PRIM2: variants seen among roughly 807,000 people sequenced by gnomAD.
PRIM2 encodes the protein DNA primase large subunit.
In PRIM2, 39 loss-of-function variants were observed where a neutral mutation model predicts 67.3. The observed-to-expected ratio is 0.58, with a 90% CI of 0.45 to 0.76. The LOEUF is 0.76. Ranked by LOEUF, PRIM2 falls within the 30% of genes least tolerant of loss-of-function variation. PRIM2 has a pLI of 0.00. For missense variants in PRIM2, 398 were observed against 598.7 expected, an observed-to-expected ratio of 0.66 and a Z score of 3.50; for synonymous variants, 143 against 198.7, an observed-to-expected ratio of 0.72 and a Z score of 2.36.
intron 10 of PRIM2, among the ~76,000 whole-genome samples, chr6:57,587,350 T>A (rs1463579957): frequency 2.6e-5 from 4 of 152,176 alleles, no homozygotes; most frequent in Non-Finnish European, 4.4e-5. Context: ...GTGAGATTCT[T>A]TATGAAGGGG....
At chr6:57,225,778 A>G in the PRIM2 span, among the ~76,000 whole-genome samples, 1 of 152,220 alleles carries the variant, frequency 6.6e-6, no homozygotes, top group South Asian at 2.1e-4. Context: ...GAAAGCTTTG[A>G]AAATTTTACC....
intron 10 of PRIM2, among the ~76,000 whole-genome samples, chr6:57,558,391 G>T (rs1581989415): frequency 2.0e-5 from 3 of 152,260 alleles, no homozygotes; most frequent in Admixed American, 1.3e-4. Context: ...AACCCTGAAG[G>T]ATGGTAAGAT....
intron 13 of PRIM2, among the ~76,000 whole-genome samples, chr6:57,635,708 T>G (rs1389711167): frequency 6.6e-6 from 1 of 152,194 alleles, no homozygotes; most frequent in Non-Finnish European, 1.5e-5. Context: ...AATTAAGCCC[T>G]TTTATAATAA....
intron 5 of PRIM2, among the ~76,000 whole-genome samples, chr6:57,358,934 A>C (rs1247824651): frequency 3.9e-5 from 6 of 152,230 alleles, no homozygotes; most frequent in Non-Finnish European, 8.8e-5. Flanking sequence ...AGCTTTAAAA[A>C]ATTATGGTTA....
chr6:57,295,498 A>G, the PRIM2 span, among the ~76,000 whole-genome samples: 5 of 152,230 alleles, frequency 3.3e-5, no homozygotes, highest in Admixed American at 2.6e-4. Context: ...TTTGGCATGA[A>G]AAAAGGCAGC....
the PRIM2 span, among the ~76,000 whole-genome samples, chr6:57,296,124 G>A: frequency 2.0e-5 from 3 of 152,092 alleles, no homozygotes; most frequent in African/African-American, 7.2e-5. Context: ...GCACTGAAGG[G>A]TGTGGAGAAG....
chr6:57,251,864 A>G, the PRIM2 span, among the ~76,000 whole-genome samples: 1 of 152,164 alleles, frequency 6.6e-6, no homozygotes, highest in African/African-American at 2.4e-5. Context: ...ACTTTCCTAA[A>G]ATTCAGCTGT....
chr6:57,635,775 C>G (rs1205470885), intron 13 of PRIM2, among the ~76,000 whole-genome samples: 1 of 152,198 alleles, frequency 6.6e-6, no homozygotes, highest in Non-Finnish European at 1.5e-5. Flanking sequence ...CCACCATCAT[C>G]TCACTTGGAT....
chr6:57,515,543 T>C (rs1219017901), intron 8 of PRIM2, among the ~76,000 whole-genome samples: 2 of 152,176 alleles, frequency 1.3e-5, no homozygotes, highest in Non-Finnish European at 2.9e-5. Context: ...AAAGGTGGAA[T>C]TGAGGAAGCC....
chr6:57,458,481 C>T (rs908809053), intron 7 of PRIM2, among the ~76,000 whole-genome samples: 5 of 152,102 alleles, frequency 3.3e-5, no homozygotes, highest in Non-Finnish European at 5.9e-5. Context: ...GTCAGGAGTT[C>T]GAGACCAGCC....
At chr6:57,571,449 AG>A (rs2127481565) in intron 10 of PRIM2, among the ~76,000 whole-genome samples, 1 of 152,266 alleles carries the variant, frequency 6.6e-6, no homozygotes, top group East Asian at 1.9e-4. Context: ...CAGGAGTTCA[AG>A]ACCAGCCTGG....
At chr6:57,294,410 G>A in the PRIM2 span, among the ~76,000 whole-genome samples, 1 of 152,114 alleles carries the variant, frequency 6.6e-6, no homozygotes, top group Non-Finnish European at 1.5e-5. Flanking sequence ...GAACCCAGGA[G>A]GTGGAGGTTG....
chr6:57,305,409 G>T, the PRIM2 span, among the ~76,000 whole-genome samples: 1 of 152,230 alleles, frequency 6.6e-6, no homozygotes, highest in Non-Finnish European at 1.5e-5. Context: ...GGTAGAGGCA[G>T]GGGTGCAGAA....
At chr6:57,514,394 G>A (rs1774436895) in intron 8 of PRIM2, among the ~76,000 whole-genome samples, 2 of 152,042 alleles carry the variant, frequency 1.3e-5, no homozygotes, top group African/African-American at 2.4e-5. Context: ...CCAGAAAATG[G>A]TTTAGTAGAT....
chr6:57,643,965 G>A (rs1777291033), intron 13 of PRIM2, among the ~76,000 whole-genome samples: 2 of 152,218 alleles, frequency 1.3e-5, no homozygotes, highest in East Asian at 1.9e-4. Context: ...CTGCTGGTCC[G>A]TCCACCAGTA....
At position 57,646,714 on chromosome 6, in the gene PRIM2, T is replaced by G. The variant is rs1777342788; in HGVS notation, c.*556T>G. 1.3e-5 allele frequency: 2 copies of G among 152,252 alleles called. No homozygotes were observed. The highest frequency in any genetic ancestry group is 2.9e-5 in the Non-Finnish European group (2 of 68,070). 9.4% of individuals were successfully genotyped at this position (152,252 alleles called of 1,614,324 possible). On this transcript the variant is annotated 3_prime_UTR_variant, in exon 14 of 14. Coordinates refer to ENST00000615550, the MANE Select transcript of PRIM2 (RefSeq NM_000947.5). ...GTCATTTAAGTCCTATTTTAGGAGA[T>G]AAAAACAGCTTTGGGGACTGGTTAA...
intron 10 of PRIM2, among the ~76,000 whole-genome samples, chr6:57,583,181 AATT>A (rs1297699243): frequency 7.7e-6 from 1 of 130,686 alleles, no homozygotes; most frequent in African/African-American, 2.9e-5. Context: ...TTTTTTTTTA[AATT>A]ATTATTATTA....
intron 7 of PRIM2, among the ~76,000 whole-genome samples, chr6:57,392,096 G>A (rs1263460917): frequency 1.3e-5 from 2 of 152,012 alleles, no homozygotes; most frequent in Non-Finnish European, 2.9e-5. Context: ...CACCTCCCTG[G>A]TTAGCTGTAT....
intron 7 of PRIM2, among the ~76,000 whole-genome samples, chr6:57,427,950 A>G (rs1353933548): frequency 9.2e-5 from 14 of 152,110 alleles, no homozygotes; most frequent in African/African-American, 3.4e-4. Flanking sequence ...AGCTGTTTCA[A>G]ATTAATTTAA....
Sources: gnomAD v4.1 joint callset for allele counts (sites outside exome capture counted in the v4.1 genomes callset) on GRCh38, gnomAD v4.1.1 for gene constraint, MANE v1.5 for transcripts, NCBI Gene and HGNC (gene_info 2026-07-23, HGNC 2026-07-21) for gene names.